Variants in TCF25 observed in about 807,000 individuals in gnomAD.
TCF25 encodes TCF25 ribosome quality control complex subunit.
TCF25 carries 41 observed loss-of-function variants against 83.1 expected under a neutral mutation model. The ratio of observed to expected loss-of-function variants is 0.49; its 90% CI spans 0.38 to 0.64. The LOEUF is 0.64. Among genes scored for constraint, TCF25 ranks in the 30% least tolerant of loss-of-function variants. TCF25 has a pLI of 0.00. For missense variants in TCF25, 979 were observed against 914.5 expected (o/e 1.07, Z -0.91); for synonymous variants, 458 against 365.0 (o/e 1.25, Z -2.90).
intron 6 of TCF25, among the ~76,000 whole-genome samples, chr16:89,893,478 C>T (rs542058041): frequency 6.6e-6 from 1 of 152,330 alleles, no homozygotes; most frequent in South Asian, 2.1e-4. Flanking sequence ...AGAGCTGTAT[C>T]CGAGTTCTGG....
chr16:89,888,840 ATTTTTTTTT>A (rs34444102), intron 5 of TCF25, among the ~76,000 whole-genome samples: 1 of 109,918 alleles, frequency 9.1e-6, no homozygotes, highest in African/African-American at 3.9e-5. Flanking sequence ...CGCCCAGCTA[ATTTTTTTTT>A]TTTTTTTTTT....
At chr16:89,887,566 T>G in intron 4 of TCF25, 86 bp from the exon 5 acceptor site, 1 of 1,319,740 alleles carries the variant, frequency 7.6e-7, no homozygotes, top group Non-Finnish European at 1.0e-6. Flanking sequence ...TGTTCTCTCC[T>G]TGACTATTAG....
chr16:89,905,169 G>A (rs1271208166), intron 14 of TCF25, 73 bp downstream of exon 14: 30 of 1,466,364 alleles, frequency 2.0e-5, no homozygotes, highest in South Asian at 7.1e-5. Flanking sequence ...CGGGGGCCTC[G>A]CATTCGGGAG....
intron 1 of TCF25, among the ~76,000 whole-genome samples, chr16:89,876,153 A>C (rs908226662): frequency 2.0e-5 from 3 of 152,158 alleles, no homozygotes; most frequent in Non-Finnish European, 2.9e-5. Flanking sequence ...TGTCAGTAAC[A>C]CTAACAGCCT....
At chr16:89,903,733 G>T (rs1459244472) in intron 12 of TCF25, among the ~76,000 whole-genome samples, 2 of 152,180 alleles carry the variant, frequency 1.3e-5, no homozygotes, top group Non-Finnish European at 2.9e-5. Flanking sequence ...CTTGAGCCTG[G>T]GAGGTGGAGG....
intron 9 of TCF25, 89 bp from the exon 10 acceptor site, chr16:89,898,468 C>T (rs562826223): frequency 2.3e-5 from 30 of 1,287,000 alleles, no homozygotes; most frequent in South Asian, 9.6e-5. Context: ...GAGCAGAGGG[C>T]GGGGTGGAGT....
intron 5 of TCF25, among the ~76,000 whole-genome samples, chr16:89,888,822 C>T (rs34539781): frequency 0.075 from 11,120 of 148,726 alleles, 635 homozygotes; most frequent in East Asian, 0.26. Flanking sequence ...TGCAGGTGCA[C>T]GCCACCACGC....
chr16:89,903,319 T>C (rs1317810850), intron 12 of TCF25, among the ~76,000 whole-genome samples: 1 of 152,246 alleles, frequency 6.6e-6, no homozygotes, highest in African/African-American at 2.4e-5. Flanking sequence ...GCTCTTCCAC[T>C]GGGCACAGGT....
intron 9 of TCF25, among the ~76,000 whole-genome samples, chr16:89,898,066 G>A (rs1484780595): frequency 6.6e-6 from 1 of 151,386 alleles, no homozygotes; most frequent in East Asian, 1.9e-4. Context: ...CCGAGATAGC[G>A]CCACTGCACT....
At chr16:89,903,569 G>A (rs537890188) in intron 12 of TCF25, among the ~76,000 whole-genome samples, 5 of 152,202 alleles carry the variant, frequency 3.3e-5, no homozygotes, top group Non-Finnish European at 7.3e-5. Flanking sequence ...ACTTTCGGAG[G>A]CTGAGGCAGG....
Position 89,892,204 on chromosome 16 carries a change from G to C in TCF25, c.626G>C (p.Arg209Thr). The C allele has an allele frequency of 6.2e-7, 1 of 1,611,424 alleles. No homozygotes were observed. The highest frequency in any genetic ancestry group is 8.5e-7 in the Non-Finnish European group (1 of 1,178,966). ...AILGEQRPRQ[R>T]QRVYPKCTWL... ...CCCGTTCTCCCCAGGCCACGGCAGAGACAACGTGTGTACCCCAAGTGCACA... is the reference window on the plus strand; with the variant it reads ...CCCGTTCTCCCCAGGCCACGGCAGACACAACGTGTGTACCCCAAGTGCACA... Residue 209 changes from arginine to threonine, a missense_variant, in exon 6 of 18, where the codon AGA becomes ACA. By Grantham distance (71) the Arg-to-Thr change is moderately conservative (BLOSUM62 -1). Transcript: ENST00000263346.
intron 12 of TCF25, 40 bp downstream of exon 12, chr16:89,900,834 C>T: frequency 6.7e-7 from 1 of 1,502,194 alleles, no homozygotes; most frequent in Admixed American, 1.8e-5. Flanking sequence ...AGGGGTGTGT[C>T]CTGTCAGCCG....
intron 15 of TCF25, 28 bp from the exon 16 acceptor site, chr16:89,907,214 GC>G: frequency 6.2e-7 from 1 of 1,610,622 alleles, no homozygotes; most frequent in Non-Finnish European, 8.5e-7. Context: ...AGCATCTGTA[GC>G]ATCTTCGTTT....
chr16:89,892,824 G>A (rs2043535382), intron 6 of TCF25, among the ~76,000 whole-genome samples: 1 of 152,218 alleles, frequency 6.6e-6, no homozygotes, highest in South Asian at 2.1e-4. Flanking sequence ...GAACTGTGGG[G>A]GCCCTCAGGG....
intron 11 of TCF25, 33 bp from the exon 12 acceptor site, chr16:89,900,602 A>G (rs1340999870): frequency 1.9e-6 from 3 of 1,548,580 alleles, no homozygotes; most frequent in East Asian, 2.3e-5. Context: ...TTATGACTTA[A>G]GGCTCCACGC....
At chr16:89,875,807 C>T (rs1239218622) in intron 1 of TCF25, among the ~76,000 whole-genome samples, 1 of 147,076 alleles carries the variant, frequency 6.8e-6, no homozygotes, top group Admixed American at 6.8e-5. Context: ...CAGGCGTGAG[C>T]CACTGCGCCT....
Position 89,874,103 on chromosome 16 carries a change from C to T in TCF25, c.192+244C>T, listed in dbSNP as rs1429032373. Among the ~76,000 whole-genome samples, 4 of 47,654 alleles carry T rather than the reference C, an allele frequency of 8.4e-5. No individual in the cohort carries two copies. The South Asian group carries it at 2.7e-3, about 32-fold the overall frequency. 31.3% of individuals were successfully genotyped at this position (47,654 alleles called of 152,430 possible). A position where few individuals can be genotyped will look rare whatever the true frequency, so the allele number is the denominator to read the frequency against. On this transcript the variant is annotated intron_variant, in intron 1 of 17. Transcript: ENST00000263346. Reference sequence around the variant, plus strand: ...TGGGTTCTAACCCCGGTGAGGTGGGCGGGGCTAAGGGATGGGGCGGGGCCG... The same window carrying T: ...TGGGTTCTAACCCCGGTGAGGTGGGTGGGGCTAAGGGATGGGGCGGGGCCG...
intron 9 of TCF25, among the ~76,000 whole-genome samples, chr16:89,896,301 T>TGTGGAGG (rs1468858647): frequency 2.0e-5 from 3 of 152,164 alleles, no homozygotes; most frequent in Non-Finnish European, 4.4e-5. Context: ...CTGATGCTAC[T>TGTGGAGG]GTGGAGGTCA....
chr16:89,886,744 G>A (rs1244643797), intron 4 of TCF25, among the ~76,000 whole-genome samples: 6 of 151,048 alleles, frequency 4.0e-5, no homozygotes, highest in Non-Finnish European at 5.9e-5. Context: ...CCTGGGCAAC[G>A]AGCAAAACTC....
Sources: gnomAD v4.1 joint callset for allele counts (sites outside exome capture counted in the v4.1 genomes callset) on GRCh38, gnomAD v4.1.1 for gene constraint, MANE v1.5 for transcripts, NCBI Gene and HGNC (gene_info 2026-07-23, HGNC 2026-07-21) for gene names.